BRD1: variants seen among roughly 807,000 people sequenced by gnomAD.
BRD1 encodes the protein bromodomain-containing protein 1.
A neutral mutation model predicts 107.7 loss-of-function variants in BRD1; 24 were observed. The ratio of observed to expected loss-of-function variants is 0.22; its 90% CI spans 0.16 to 0.31. The LOEUF (loss-of-function observed/expected upper bound fraction) is 0.31, where lower values mean the gene tolerates loss of function less well. Among genes scored for constraint, BRD1 ranks in the 10% least tolerant of loss-of-function variants. The pLI is 1.00. For synonymous variants in BRD1, 744 were observed against 686.1 expected, an observed-to-expected ratio of 1.08 and a Z score of -1.32; for missense variants, 1,279 against 1,638.6, an observed-to-expected ratio of 0.78 and a Z score of 3.79.
At chr22:49,804,137 G>A in intron 3 of BRD1, 67 bp downstream of exon 3, 2 of 1,421,036 alleles carry the variant, frequency 1.4e-6, no homozygotes, top group Non-Finnish European at 1.9e-6. Context: ...GCCTGAACCA[G>A]GTGCCCTCTC....
At chr22:49,800,690 C>T (rs2059624151) in intron 3 of BRD1, among the ~76,000 whole-genome samples, 1 of 152,212 alleles carries the variant, frequency 6.6e-6, no homozygotes, top group Non-Finnish European at 1.5e-5. Flanking sequence ...GGCCCAAGGT[C>T]CCATGACACA....
intron 7 of BRD1, among the ~76,000 whole-genome samples, chr22:49,791,274 G>A (rs2059429267): frequency 6.6e-6 from 1 of 152,234 alleles, no homozygotes; most frequent in Admixed American, 6.5e-5. Context: ...CTGCGGGAGG[G>A]CCTGTACAAG....
At chr22:49,813,574 T>C (rs2059895111) in intron 2 of BRD1, among the ~76,000 whole-genome samples, 1 of 150,250 alleles carries the variant, frequency 6.7e-6, no homozygotes, top group Middle Eastern at 3.4e-3. Flanking sequence ...GGCTCATGCC[T>C]ATAATCCCAG....
chr22:49,799,292 AGAGGGGACAGAGGAGACAGAGGGGATG>A (rs539889394), intron 3 of BRD1, among the ~76,000 whole-genome samples, 173 bp from the exon 4 acceptor site: 6,042 of 152,244 alleles, frequency 0.04, 176 homozygotes, highest in Middle Eastern at 0.088. Context: ...GCACCGGGAC[AGAGGGGACAGAGGAGACAGAGGGGATG>A]GAGGGGACAG....
intron 8 of BRD1, among the ~76,000 whole-genome samples, chr22:49,782,517 T>C (rs2059231186): frequency 8.1e-6 from 1 of 123,792 alleles, no homozygotes; most frequent in Non-Finnish European, 1.6e-5. Context: ...ACCTGCTCCA[T>C]GACAATGCAG....
At position 49,802,618 on chromosome 22, in the gene BRD1, C is replaced by T. The variant is rs1242183886; in HGVS notation, c.1524+1586G>A. On this transcript the variant is annotated intron_variant, in intron 3 of 12. Coordinates refer to ENST00000404760, the MANE Select transcript of BRD1 (RefSeq NM_001304808.3). ...AACATCGCGGGGGCCGAGACCAATGCCTCCACTCTCTTCCTTTCCCCAACA... is the reference window on the plus strand; with the variant it reads ...AACATCGCGGGGGCCGAGACCAATGTCTCCACTCTCTTCCTTTCCCCAACA... Among the ~76,000 whole-genome samples, 29 of 46,038 alleles carry T rather than the reference C, an allele frequency of 6.3e-4. No homozygotes were observed. In the South Asian group the frequency reaches 9.7e-3, roughly 15 times the overall value. 30.2% of individuals were successfully genotyped at this position (46,038 alleles called of 152,430 possible). A position where few individuals can be genotyped will look rare whatever the true frequency, so the allele number is the denominator to read the frequency against.
At chr22:49,778,241 C>T (rs1484032405) in intron 8 of BRD1, among the ~76,000 whole-genome samples, 1 of 152,142 alleles carries the variant, frequency 6.6e-6, no homozygotes, top group Non-Finnish European at 1.5e-5. Flanking sequence ...GAAGGGGCCA[C>T]CAAAGACACA....
intron 7 of BRD1, among the ~76,000 whole-genome samples, chr22:49,790,347 C>G (rs1170338042): frequency 6.6e-6 from 1 of 152,190 alleles, no homozygotes; most frequent in Non-Finnish European, 1.5e-5. Flanking sequence ...AAGGAAGACT[C>G]CTCTCAAAGC....
At chr22:49,781,794 A>G (rs1034490863) in intron 8 of BRD1, among the ~76,000 whole-genome samples, 7 of 152,290 alleles carry the variant, frequency 4.6e-5, no homozygotes, top group Non-Finnish European at 8.8e-5. Flanking sequence ...CGTTAAAAGA[A>G]GAGCAGTTTT....
Position 49,777,697 on chromosome 22 carries a change from T to C in BRD1, c.2974A>G (p.Ser992Gly), listed in dbSNP as rs555676520. 2 of 1,608,410 alleles carry C rather than the reference T, an allele frequency of 1.2e-6. No homozygotes were observed. Among genetic ancestry groups the C allele is most frequent in the Non-Finnish European group, 8.5e-7 (1 of 1,178,406 alleles). Reference sequence around the variant, plus strand: ...GCCCACCTCGAGTCGCAGAGCGGGCTGTTGCTGGAGGAGATGCTGGACTCG... The same window carrying C: ...GCCCACCTCGAGTCGCAGAGCGGGCCGTTGCTGGAGGAGATGCTGGACTCG... ...ASESSISSSN[S>G]PLCDSSFNAP... is the part of the protein sequence containing the mutation. The change falls in exon 9 of 13, where the codon AGC becomes GGC. Residue 992 changes from serine to glycine, a missense_variant. Physicochemically the swap from Ser to Gly is moderately conservative, Grantham distance 56 (BLOSUM62 0). Coordinates refer to ENST00000404760, the MANE Select transcript of BRD1 (RefSeq NM_001304808.3).
At chr22:49,788,279 A>G (rs936037176) in intron 7 of BRD1, among the ~76,000 whole-genome samples, 2 of 152,246 alleles carry the variant, frequency 1.3e-5, no homozygotes, top group African/African-American at 4.8e-5. Context: ...ACAGAGCTCT[A>G]CTGGGCCACG....
At chr22:49,811,491 C>G (rs1361170580) in intron 2 of BRD1, among the ~76,000 whole-genome samples, 6 of 152,192 alleles carry the variant, frequency 3.9e-5, no homozygotes, top group Non-Finnish European at 7.3e-5. Flanking sequence ...CGAGCGCCAG[C>G]CTGGATGTTG....
rs560048798 is a variant in BRD1 at position 49,803,824 on chromosome 22, C to A, written c.1524+380G>T. 6.6e-6 allele frequency among the ~76,000 whole-genome samples: 1 copy of A among 152,290 alleles called. No individual in the cohort carries two copies. The highest frequency in any genetic ancestry group is 1.9e-4 in the East Asian group (1 of 5,184). Reference sequence around the variant, plus strand: ...CCCCCACCCACATGGCCCGGGTGTGCTCACCGGGTCCCACTCCTGCTGTCC... The same window carrying A: ...CCCCCACCCACATGGCCCGGGTGTGATCACCGGGTCCCACTCCTGCTGTCC... On this transcript the variant is annotated intron_variant, in intron 3 of 12. Transcript: ENST00000404760. This position sits in a 1 kb window ranked among gnomAD's most constrained non-coding sequence, Gnocchi z 4.4.
At chr22:49,800,752 G>C (rs910972284) in intron 3 of BRD1, among the ~76,000 whole-genome samples, 2 of 152,188 alleles carry the variant, frequency 1.3e-5, no homozygotes, top group Non-Finnish European at 2.9e-5. Flanking sequence ...GCTCTCAAGG[G>C]CTCGATATTT....
At chr22:49,819,701 G>A (rs565305478) in intron 2 of BRD1, among the ~76,000 whole-genome samples, 5 of 151,358 alleles carry the variant, frequency 3.3e-5, no homozygotes, top group East Asian at 4.0e-4. Flanking sequence ...TACCCACCTC[G>A]GCCTCCCAAA....
intron 8 of BRD1, among the ~76,000 whole-genome samples, chr22:49,778,591 A>G (rs535335441): frequency 1.3e-5 from 2 of 152,346 alleles, no homozygotes; most frequent in African/African-American, 4.8e-5. Flanking sequence ...GAGGTCCCCC[A>G]TGGGAGTCAC....
At chr22:49,784,179 C>T (rs2059273728) in intron 8 of BRD1, among the ~76,000 whole-genome samples, 1 of 148,950 alleles carries the variant, frequency 6.7e-6, no homozygotes, top group South Asian at 2.2e-4. Context: ...CCAGCACATG[C>T]ACACAGAGAC....
chr22:49,789,725 C>T (rs769875979), intron 7 of BRD1, among the ~76,000 whole-genome samples: 1 of 152,206 alleles, frequency 6.6e-6, no homozygotes, highest in Non-Finnish European at 1.5e-5. Flanking sequence ...TAACGGGCAC[C>T]GTAAACCCCC....
rs1857669457 is a variant in BRD1, at chr22:49,824,507, C to A, written c.-14-176G>T. 2.1e-6 allele frequency: 3 copies of A among 1,420,748 alleles called. No homozygotes were observed. Among genetic ancestry groups the A allele is most frequent in the South Asian group, 1.5e-5 (1 of 65,648 alleles). The allele number at this position is 1,420,748 out of a possible 1,614,324, so 88.0% of individuals were successfully genotyped here. On this transcript the variant is annotated intron_variant, in intron 1 of 12. Coordinates refer to ENST00000404760, the MANE Select transcript of BRD1 (RefSeq NM_001304808.3). This position sits in a 1 kb window ranked among gnomAD's most constrained non-coding sequence, Gnocchi z 5.9. ...ACCACACATCCAGGCCTGAGCGAGT[C>A]CCCAGGACCAGGGAGGGAGCAGCAG...
Sources: allele counts gnomAD v4.1 joint callset (sites outside exome capture counted in the v4.1 genomes callset), GRCh38; gene constraint gnomAD v4.1.1; non-coding constraint Gnocchi (gnomAD v3.1); transcripts MANE v1.5; gene names NCBI Gene and HGNC (gene_info 2026-07-23, HGNC 2026-07-21).